The following CACNB2 variants were observed in gnomAD, a reference collection of about 807,000 sequenced individuals.
The protein encoded by CACNB2 is calcium voltage-gated channel auxiliary subunit beta 2, also known as voltage-dependent L-type calcium channel subunit beta-2.
A neutral mutation model predicts 73.3 loss-of-function variants in CACNB2; 42 were observed. The ratio of observed to expected loss-of-function variants is 0.57; its 90% confidence interval spans 0.45 to 0.74. The LOEUF is 0.74. Among genes scored for constraint, CACNB2 ranks in the 30% least tolerant of loss-of-function variants. The pLI, the probability that CACNB2 is intolerant of heterozygous loss-of-function variation, is 0.00. For missense variants in CACNB2, 940 were observed against 853.0 expected (o/e 1.10, Z -1.27); for synonymous variants, 348 against 310.3 (o/e 1.12, Z -1.28).
intron 2 of CACNB2, among the ~76,000 whole-genome samples, chr10:18,332,777 A>T (rs1589063424): frequency 6.6e-6 from 1 of 152,236 alleles, no homozygotes; most frequent in South Asian, 2.1e-4. Flanking sequence ...TTGAAACATT[A>T]TACATAATAC....
chr10:18,419,466 A>G (rs1413409827), intron 3 of CACNB2, among the ~76,000 whole-genome samples: 2 of 152,196 alleles, frequency 1.3e-5, no homozygotes, highest in African/African-American at 4.8e-5. Context: ...CCCTAGTCAC[A>G]CAGCTATGAT....
At chr10:18,383,676 C>T (rs544879300) in intron 2 of CACNB2, among the ~76,000 whole-genome samples, 1 of 152,070 alleles carries the variant, frequency 6.6e-6, no homozygotes, top group South Asian at 2.1e-4. Flanking sequence ...AGATATTAAG[C>T]AGAGAAGAGG....
chr10:18,429,018 C>T lies in CACNB2; in HGVS notation c.333+26975C>T, dbSNP rs182593887. ...ACTTAATTACTACTGCCTTTTCTAA[C>T]CATTTCTTTCACATATCAAAGATTC... On this transcript the variant is annotated intron_variant, in intron 3 of 13. Transcript: ENST00000324631. 7.6e-4 allele frequency among the ~76,000 whole-genome samples: 116 copies of T among 152,282 alleles called. 3 individuals are homozygous for T. Among genetic ancestry groups the T allele is most frequent in the African/African-American group, 2.6e-3 (107 of 41,538 alleles).
chr10:18,488,573 G>C (rs1358635510), intron 3 of CACNB2, among the ~76,000 whole-genome samples: 2 of 151,058 alleles, frequency 1.3e-5, no homozygotes, highest in Non-Finnish European at 2.9e-5. Context: ...TACTTAAAAG[G>C]AATAGGTTAC....
At chr10:18,331,624 C>T (rs1228936639) in intron 2 of CACNB2, among the ~76,000 whole-genome samples, 1 of 151,964 alleles carries the variant, frequency 6.6e-6, no homozygotes, top group Non-Finnish European at 1.5e-5. Flanking sequence ...ATAACAGCTC[C>T]AGAACTGTTG....
At chr10:18,538,932 G>C (rs1417906446) in intron 13 of CACNB2, among the ~76,000 whole-genome samples, 1 of 151,156 alleles carries the variant, frequency 6.6e-6, no homozygotes, top group African/African-American at 2.4e-5. Flanking sequence ...ACCTGCATCT[G>C]TATTTGAGCC....
At chr10:18,191,949 A>G (rs943567964) in intron 2 of CACNB2, among the ~76,000 whole-genome samples, 4 of 152,068 alleles carry the variant, frequency 2.6e-5, no homozygotes, top group South Asian at 2.1e-4. Flanking sequence ...CTCTGGGTAG[A>G]TACCCATTAG....
At chr10:18,478,431 C>T (rs879895053) in intron 3 of CACNB2, among the ~76,000 whole-genome samples, 5 of 152,108 alleles carry the variant, frequency 3.3e-5, no homozygotes, top group South Asian at 2.1e-4. Flanking sequence ...GAAGTGTATA[C>T]GGTGAAAAAT....
intron 2 of CACNB2, among the ~76,000 whole-genome samples, chr10:18,325,281 C>T (rs2040537773): frequency 6.6e-6 from 1 of 152,214 alleles, no homozygotes; most frequent in Non-Finnish European, 1.5e-5. Context: ...CCTTGTCCTC[C>T]TGGGCTCAAG....
intron 2 of CACNB2, among the ~76,000 whole-genome samples, chr10:18,392,232 C>G (rs1345299188): frequency 6.6e-6 from 1 of 151,338 alleles, no homozygotes; most frequent in Non-Finnish European, 1.5e-5. Flanking sequence ...CGGAAGAGGA[C>G]GTTACTAACA....
intron 2 of CACNB2, among the ~76,000 whole-genome samples, chr10:18,185,659 T>A (rs186784831): frequency 2.2e-4 from 34 of 152,312 alleles, no homozygotes; most frequent in African/African-American, 7.2e-4. Context: ...TCTTTTACCT[T>A]GACAAAAGGT....
chr10:18,368,516 C>G (rs995580503), intron 2 of CACNB2, among the ~76,000 whole-genome samples: 1 of 152,052 alleles, frequency 6.6e-6, no homozygotes, highest in African/African-American at 2.4e-5. Context: ...AATTTTCAAA[C>G]TATTTAAGAG....
At chr10:18,288,139 C>T (rs771545263) in intron 2 of CACNB2, among the ~76,000 whole-genome samples, 10 of 152,204 alleles carry the variant, frequency 6.6e-5, no homozygotes, top group African/African-American at 9.6e-5. Context: ...AACCTGATTA[C>T]CTCTGTAAAG....
intron 2 of CACNB2, among the ~76,000 whole-genome samples, chr10:18,314,090 T>C (rs2040063122): frequency 6.8e-6 from 1 of 147,654 alleles, no homozygotes; most frequent in African/African-American, 2.5e-5. Context: ...ATATTGATTG[T>C]TGAGTGAATC....
intron 3 of CACNB2, among the ~76,000 whole-genome samples, chr10:18,417,627 C>T (rs894720039): frequency 1.3e-5 from 2 of 151,872 alleles, no homozygotes; most frequent in African/African-American, 2.4e-5. Context: ...CTTGGCCTCC[C>T]GAAGTGGAGA....
chr10:18,196,010 A>G (rs2034607041), intron 2 of CACNB2, among the ~76,000 whole-genome samples: 1 of 152,162 alleles, frequency 6.6e-6, no homozygotes, highest in South Asian at 2.1e-4. Flanking sequence ...TAGTAACCCT[A>G]GTGATGGCCA....
intron 2 of CACNB2, among the ~76,000 whole-genome samples, chr10:18,250,784 G>T (rs1384368527): frequency 6.6e-6 from 1 of 152,124 alleles, no homozygotes; most frequent in Non-Finnish European, 1.5e-5. Context: ...CCCTCATCCA[G>T]TTATCCAATA....
chr10:18,343,606 A>T (rs1214261544), intron 2 of CACNB2, among the ~76,000 whole-genome samples: 1 of 152,230 alleles, frequency 6.6e-6, no homozygotes, highest in African/African-American at 2.4e-5. Flanking sequence ...GGGAAGGTGT[A>T]TGCCTTCCTA....
At chr10:18,186,914 C>T (rs1003145028) in intron 2 of CACNB2, among the ~76,000 whole-genome samples, 3 of 152,124 alleles carry the variant, frequency 2.0e-5, no homozygotes, top group South Asian at 2.1e-4. Flanking sequence ...CACTATGTAG[C>T]GCCCTAGGGG....
Sources: allele counts gnomAD v4.1 joint callset (sites outside exome capture counted in the v4.1 genomes callset), GRCh38; gene constraint gnomAD v4.1.1; transcripts MANE v1.5; gene names NCBI Gene and HGNC (gene_info 2026-07-23, HGNC 2026-07-21).